Variants in TAF1B observed in about 807,000 individuals in gnomAD.
TAF1B encodes the protein TATA box-binding protein-associated factor RNA polymerase I subunit B.
In TAF1B, 61 loss-of-function variants were observed where a neutral mutation model predicts 83.9. The ratio of observed to expected loss-of-function variants is 0.73; its 90% CI spans 0.59 to 0.90. The LOEUF (loss-of-function observed/expected upper bound fraction) is 0.90. Ranked by LOEUF, TAF1B falls within the 40% of genes least tolerant of loss-of-function variation. The probability of loss-of-function intolerance (pLI) is 0.00; values close to 1 mark genes in which losing one functional copy is unlikely to be tolerated. For synonymous variants in TAF1B, 221 were observed against 224.6 expected (o/e 0.98, Z 0.14); for missense variants, 625 against 677.0 (o/e 0.92, Z 0.85).
In TAF1B at chr2:9,882,718, G is replaced by T; in HGVS notation, c.720G>T (p.Glu240Asp). The change falls in exon 8 of 15, where the codon GAG becomes GAT. Residue 240 changes from glutamate (E) to aspartate (D), a missense_variant. Coordinates refer to ENST00000263663, the MANE Select transcript of TAF1B (RefSeq NM_005680.3). The part of the protein sequence containing the change: ...TLSDLLRFVE[E>D]DHIPYINAFQ... The stretch of plus-strand genomic sequence containing the variant: ...TTTAAAAATACAGGTTTGTTGAAGA[G>T]GACCATATTCCTTACATAAATGCTT... 1.2e-6 allele frequency: 2 copies of T among 1,608,086 alleles called. No individual in the cohort carries two copies. The highest frequency in any genetic ancestry group is 1.7e-6 in the Non-Finnish European group (2 of 1,177,166).
At chr2:9,925,589 GT>G (rs70948854) in intron 14 of TAF1B, among the ~76,000 whole-genome samples, 2 of 147,332 alleles carry the variant, frequency 1.4e-5, no homozygotes, top group Non-Finnish European at 3.0e-5. Context: ...TGGGGTGTTT[GT>G]TTTTTTTTTG....
chr2:9,874,650 C>T (rs1218287714), intron 6 of TAF1B, among the ~76,000 whole-genome samples: 2 of 152,146 alleles, frequency 1.3e-5, no homozygotes, highest in African/African-American at 4.8e-5. Context: ...AGAGATGAGA[C>T]ATTATTCACT....
intron 8 of TAF1B, among the ~76,000 whole-genome samples, chr2:9,889,853 C>T (rs901368272): frequency 8.5e-5 from 13 of 152,166 alleles, no homozygotes; most frequent in South Asian, 2.1e-4. Context: ...TACCCAATGC[C>T]TCTGGTATTA....
chr2:9,849,308 C>A, intron 2 of TAF1B, 65 bp from the exon 3 acceptor site: 1 of 1,259,580 alleles, frequency 7.9e-7, no homozygotes, highest in East Asian at 2.6e-5. Flanking sequence ...CCAGAAAATA[C>A]CTGGAAAAAT....
chr2:9,922,158 A>T (rs867597645), intron 14 of TAF1B, among the ~76,000 whole-genome samples: 1 of 152,208 alleles, frequency 6.6e-6, no homozygotes, highest in African/African-American at 2.4e-5. Context: ...CCACTTGCTA[A>T]TTGTAGGAAG....
intron 8 of TAF1B, among the ~76,000 whole-genome samples, chr2:9,901,431 G>C (rs968528279): frequency 6.6e-5 from 10 of 152,290 alleles, no homozygotes; most frequent in African/African-American, 2.4e-4. Context: ...TGACTTTCAT[G>C]TATCAGCTTT....
chr2:9,933,857 C>T lies in TAF1B; in HGVS notation c.1640C>T (p.Ser547Phe). The stretch of plus-strand genomic sequence containing the variant: ...TATCAGTTTATACTAAATCTCTTCT[C>T]CTTCCTGCTCAGAATAAAGACTTCC... ...LSYQFILNLF[S>F]FLLRIKTSLL... Residue 547 changes from serine to phenylalanine, a missense_variant, in exon 15 of 15, where the codon TCC becomes TTC. Ser to Phe is a radical substitution (Grantham distance 155). Transcript: ENST00000263663. 4.3e-6 allele frequency: 7 copies of T among 1,613,850 alleles called. No homozygotes were observed. Among genetic ancestry groups the T allele is most frequent in the Non-Finnish European group, 5.9e-6 (7 of 1,179,820 alleles).
intron 8 of TAF1B, among the ~76,000 whole-genome samples, chr2:9,898,650 A>G (rs1665091839): frequency 6.6e-6 from 1 of 152,184 alleles, no homozygotes; most frequent in African/African-American, 2.4e-5. Context: ...TATCTAATGG[A>G]GAAGATTCTG....
At chr2:9,904,072 T>C (rs75520790) in intron 8 of TAF1B, among the ~76,000 whole-genome samples, 27,348 of 152,136 alleles carry the variant, frequency 0.18, 3,105 homozygotes, top group East Asian at 0.31. Flanking sequence ...GCATTCCAAA[T>C]ACTTTGGCTT....
intron 14 of TAF1B, among the ~76,000 whole-genome samples, chr2:9,926,048 AC>A (rs1472358556): frequency 6.6e-6 from 1 of 151,572 alleles, no homozygotes; most frequent in Non-Finnish European, 1.5e-5. Context: ...AGTATAAAGA[AC>A]CCCCCGTCTC....
intron 12 of TAF1B, among the ~76,000 whole-genome samples, chr2:9,917,118 TTA>T (rs1665706503): frequency 6.6e-6 from 1 of 152,176 alleles, no homozygotes; most frequent in Non-Finnish European, 1.5e-5. Flanking sequence ...AGTGCTGGGA[TTA>T]CAGGCATGAG....
chr2:9,872,355 C>T (rs1223314389), intron 6 of TAF1B, among the ~76,000 whole-genome samples: 1 of 151,168 alleles, frequency 6.6e-6, no homozygotes, highest in African/African-American at 2.4e-5. Context: ...ATCTGGATGT[C>T]TAACTGCTTC....
chr2:9,913,485 TC>T (rs1665596828), intron 12 of TAF1B: 3 of 399,746 alleles, frequency 7.5e-6, no homozygotes, highest in South Asian at 1.3e-4. Context: ...TGTTCCATGA[TC>T]CAATGCAGGA....
At chr2:9,855,481 C>A (rs1326271539) in intron 5 of TAF1B, among the ~76,000 whole-genome samples, 3 of 152,072 alleles carry the variant, frequency 2.0e-5, no homozygotes, top group Non-Finnish European at 2.9e-5. Context: ...AAGTTCAAGA[C>A]CGGCCTGGGT....
chr2:9,868,148 G>A (rs930273039), intron 5 of TAF1B, 128 bp from the exon 6 acceptor site: 1 of 902,340 alleles, frequency 1.1e-6, no homozygotes, highest in Non-Finnish European at 1.7e-6. Flanking sequence ...AAAGGGACTT[G>A]GCAGGCAGTT....
At chr2:9,879,453 T>C (rs923401632) in intron 7 of TAF1B, among the ~76,000 whole-genome samples, 1 of 152,226 alleles carries the variant, frequency 6.6e-6, no homozygotes, top group Non-Finnish European at 1.5e-5. Context: ...ATCATGTTCT[T>C]TAGAATGGCA....
intron 8 of TAF1B, among the ~76,000 whole-genome samples, chr2:9,895,813 CTTTTTT>C (rs34044860): frequency 1.8e-5 from 2 of 112,456 alleles, no homozygotes; most frequent in East Asian, 2.6e-4. Context: ...GCACTGCACT[CTTTTTT>C]TTTTTTTTTT....
At chr2:9,923,943 C>T (rs200680625) in intron 14 of TAF1B, among the ~76,000 whole-genome samples, 153 of 152,250 alleles carry the variant, frequency 1.0e-3, no homozygotes, top group East Asian at 2.1e-3. Flanking sequence ...CAGCTTATGT[C>T]GTGATCCGTA....
intron 8 of TAF1B, among the ~76,000 whole-genome samples, chr2:9,885,106 C>T (rs1030882383): frequency 6.6e-6 from 1 of 151,998 alleles, no homozygotes. Flanking sequence ...TTTTGGAGAA[C>T]TAGGATAGTG....
Sources: gnomAD v4.1 joint callset for allele counts (sites outside exome capture counted in the v4.1 genomes callset) on GRCh38, gnomAD v4.1.1 for gene constraint, MANE v1.5 for transcripts, NCBI Gene and HGNC (gene_info 2026-07-23, HGNC 2026-07-21) for gene names.